The following VPS41 variants were observed in gnomAD, a reference collection of about 807,000 sequenced individuals.
VPS41 encodes the protein VPS41 subunit of HOPS complex, also known as vacuolar protein sorting-associated protein 41 homolog.
VPS41 carries 85 observed loss-of-function variants against 130.9 expected under a neutral mutation model. The observed-to-expected ratio is 0.65, with a 90% CI of 0.55 to 0.78. VPS41 has a LOEUF of 0.78. VPS41 is among the 30% of genes least tolerant of loss of function. The probability of loss-of-function intolerance (pLI) is 0.00; values close to 1 mark genes in which losing one functional copy is unlikely to be tolerated. For missense variants in VPS41, 874 were observed against 1,018.7 expected (o/e 0.86, Z 1.93); for synonymous variants, 335 against 332.9 (o/e 1.01, Z -0.07).
At chr7:38,844,996 A>ACTT (rs2116239090) in intron 4 of VPS41, among the ~76,000 whole-genome samples, 1 of 152,280 alleles carries the variant, frequency 6.6e-6, no homozygotes, top group Admixed American at 6.5e-5. Context: ...CCTACAGAAG[A>ACTT]CTTATTAGAT....
At chr7:38,892,629 A>G (rs1037406838) in intron 2 of VPS41, among the ~76,000 whole-genome samples, 2 of 152,222 alleles carry the variant, frequency 1.3e-5, no homozygotes, top group African/African-American at 4.8e-5. Flanking sequence ...GTTTGAAAAT[A>G]TATTTAATAC....
At chr7:38,760,010 G>C (rs1562575480) in intron 17 of VPS41, among the ~76,000 whole-genome samples, 2 of 152,162 alleles carry the variant, frequency 1.3e-5, no homozygotes, top group East Asian at 3.9e-4. Context: ...TGAGACTTTG[G>C]CTCAAGTCTT....
intron 3 of VPS41, among the ~76,000 whole-genome samples, chr7:38,865,891 T>C (rs553111393): frequency 3.9e-5 from 6 of 152,276 alleles, no homozygotes; most frequent in African/African-American, 1.4e-4. Context: ...GCCCAAATCA[T>C]TAAGTCATCA....
At chr7:38,858,157 A>C (rs1476924470) in intron 4 of VPS41, among the ~76,000 whole-genome samples, 1 of 152,244 alleles carries the variant, frequency 6.6e-6, no homozygotes, top group Non-Finnish European at 1.5e-5. Context: ...AGACCTGGAA[A>C]GGGAAGGGGA....
At chr7:38,791,389 T>C (rs1310069006) in intron 9 of VPS41, among the ~76,000 whole-genome samples, 1 of 152,204 alleles carries the variant, frequency 6.6e-6, no homozygotes, top group Non-Finnish European at 1.5e-5. Context: ...ATCGGCAATA[T>C]TAGTGAACAC....
intron 1 of VPS41, among the ~76,000 whole-genome samples, chr7:38,899,166 G>A (rs1219157173): frequency 6.6e-6 from 1 of 152,114 alleles, no homozygotes; most frequent in Non-Finnish European, 1.5e-5. Context: ...ACAGCCTGGA[G>A]GACAACACAG....
At chr7:38,761,797 G>A (rs1453609647) in intron 17 of VPS41, among the ~76,000 whole-genome samples, 1 of 151,776 alleles carries the variant, frequency 6.6e-6, no homozygotes. Flanking sequence ...ATGTTACCCA[G>A]GCTGGTTTTG....
At chr7:38,771,370 G>T in intron 13 of VPS41, 116 bp from the exon 14 acceptor site, 1 of 728,764 alleles carries the variant, frequency 1.4e-6, no homozygotes, top group Non-Finnish European at 2.3e-6. Flanking sequence ...TAGTTATTAT[G>T]GTTTAGCATT....
chr7:38,862,270 G>T (rs1019905099), intron 4 of VPS41, among the ~76,000 whole-genome samples: 1 of 152,114 alleles, frequency 6.6e-6, no homozygotes, highest in Non-Finnish European at 1.5e-5. Context: ...TAAAGAATTT[G>T]CAATTAAATA....
At chr7:38,789,912 T>C (rs1030439891) in intron 9 of VPS41, 45 bp from the exon 10 acceptor site, 1 of 1,600,194 alleles carries the variant, frequency 6.2e-7, no homozygotes, top group Non-Finnish European at 8.6e-7. Context: ...TGATGGAAAA[T>C]TCTTCATAAC....
At chr7:38,785,242 CA>C (rs1285152583) in intron 10 of VPS41, among the ~76,000 whole-genome samples, 1 of 152,194 alleles carries the variant, frequency 6.6e-6, no homozygotes, top group Non-Finnish European at 1.5e-5. Context: ...AACGGCACTT[CA>C]ACAGCTTCAG....
At chr7:38,812,107 G>A (rs1265793840) in intron 7 of VPS41, among the ~76,000 whole-genome samples, 15 of 152,092 alleles carry the variant, frequency 9.9e-5, no homozygotes, top group Admixed American at 9.8e-4. Flanking sequence ...AACCTCAACT[G>A]TAAATTGAGG....
At chr7:38,807,552 C>T (rs1027422026) in intron 7 of VPS41, among the ~76,000 whole-genome samples, 2 of 152,186 alleles carry the variant, frequency 1.3e-5, no homozygotes, top group Non-Finnish European at 1.5e-5. Flanking sequence ...ATTCTACCTA[C>T]ACCATCCTAT....
intron 4 of VPS41, among the ~76,000 whole-genome samples, chr7:38,842,541 A>G (rs1785629196): frequency 6.6e-6 from 1 of 152,222 alleles, no homozygotes; most frequent in African/African-American, 2.4e-5. Context: ...AGTAAAATAT[A>G]TAGTCGTCCT....
chr7:38,892,637 T>C (rs1473072427), intron 2 of VPS41, among the ~76,000 whole-genome samples: 2 of 152,188 alleles, frequency 1.3e-5, no homozygotes, highest in African/African-American at 2.4e-5. Flanking sequence ...ATATATTTAA[T>C]ACGGAAGCAT....
intron 5 of VPS41, among the ~76,000 whole-genome samples, chr7:38,822,106 T>C (rs754413465): frequency 5.9e-5 from 9 of 152,250 alleles, no homozygotes; most frequent in Non-Finnish European, 1.2e-4. Context: ...TGCTTATCAG[T>C]GTCTCCCTTA....
chr7:38,768,912 C>A (rs544128648), intron 14 of VPS41, among the ~76,000 whole-genome samples: 1 of 152,178 alleles, frequency 6.6e-6, no homozygotes, highest in Non-Finnish European at 1.5e-5. Context: ...CTACCATCAT[C>A]CCAGGATGCC....
chr7:38,840,869 G>A (rs1036363561), intron 4 of VPS41, among the ~76,000 whole-genome samples: 2 of 152,038 alleles, frequency 1.3e-5, no homozygotes, highest in Admixed American at 6.6e-5. Flanking sequence ...TTTTCATACC[G>A]GGAACAGATA....
chr7:38,772,586 A>G lies in VPS41; in HGVS notation c.1064T>C (p.Val355Ala). 2 of 1,613,716 alleles carry G rather than the reference A, an allele frequency of 1.2e-6. No homozygotes were observed. Among genetic ancestry groups the G allele is most frequent in the Non-Finnish European group, 1.7e-6 (2 of 1,179,706 alleles). Residue 355 changes from valine (V) to alanine (A), a missense_variant, in exon 13 of 29, where the codon GTA (valine) becomes GCA (alanine). Physicochemically the swap from Val to Ala is moderately conservative, Grantham distance 64. Coordinates refer to ENST00000310301, the MANE Select transcript of VPS41 (RefSeq NM_014396.4). ...ATCTTGGTCTCGTTCCTTGGCCACT[A>G]CAACATCTCTCGGACTCACGATGTA... ...LFYIVSPRDV[V>A]VAKERDQDDH... is the part of the protein sequence containing the mutation.
Sources: allele counts gnomAD v4.1 joint callset (sites outside exome capture counted in the v4.1 genomes callset), GRCh38; gene constraint gnomAD v4.1.1; transcripts MANE v1.5; gene names NCBI Gene and HGNC (gene_info 2026-07-23, HGNC 2026-07-21).